CTNND2: variants seen among roughly 807,000 people sequenced by gnomAD.
CTNND2 encodes the protein catenin delta 2, also known as catenin delta-2.
A neutral mutation model predicts 144.4 loss-of-function variants in CTNND2; 22 were observed. The observed-to-expected ratio is 0.15, with a 90% CI of 0.11 to 0.22. The LOEUF (loss-of-function observed/expected upper bound fraction) is 0.22. Among genes scored for constraint, CTNND2 ranks in the 10% least tolerant of loss-of-function variants. The pLI is 1.00. For synonymous variants in CTNND2, 751 were observed against 695.6 expected, an observed-to-expected ratio of 1.08 and a Z score of -1.25; for missense variants, 1,353 against 1,618.8, an observed-to-expected ratio of 0.84 and a Z score of 2.82.
intron 2 of CTNND2, among the ~76,000 whole-genome samples, chr5:11,728,942 GA>G (rs929752419): frequency 6.6e-6 from 1 of 151,914 alleles, no homozygotes; most frequent in African/African-American, 2.4e-5. Flanking sequence ...TAGACTTGAG[GA>G]AAAAAATAAG....
Position 11,210,483 on chromosome 5 carries a change from T to G in CTNND2, c.1762-10822A>C, listed in dbSNP as rs145059160. Among the ~76,000 whole-genome samples, 27 of 152,376 alleles carry G rather than the reference T, an allele frequency of 1.8e-4. 1 individual carries two copies. In the East Asian group the frequency reaches 4.6e-3, roughly 26 times the overall value. On this transcript the variant is annotated intron_variant, in intron 10 of 21. Coordinates refer to ENST00000304623, the MANE Select transcript of CTNND2 (RefSeq NM_001332.4). ...AATACTCTTCAAATGCCGGTCTTAC[T>G]TTTTAAAAGAAATAGTCATCTCCCT... is the stretch of plus-strand genomic sequence containing the variant.
At chr5:11,394,055 C>T (rs1006149453) in intron 6 of CTNND2, among the ~76,000 whole-genome samples, 1 of 152,126 alleles carries the variant, frequency 6.6e-6, no homozygotes, top group African/African-American at 2.4e-5. Context: ...CATATAGCTT[C>T]CTTCCTCTTC....
chr5:11,108,416 C>G (rs1261449021), intron 14 of CTNND2, among the ~76,000 whole-genome samples: 1 of 152,164 alleles, frequency 6.6e-6, no homozygotes, highest in Non-Finnish European at 1.5e-5. Flanking sequence ...GGTGAATCTT[C>G]CAGTCATTTA....
chr5:11,859,553 TC>T (rs1795407799), intron 1 of CTNND2, among the ~76,000 whole-genome samples: 1 of 152,128 alleles, frequency 6.6e-6, no homozygotes, highest in Non-Finnish European at 1.5e-5. Context: ...TCAGTCATTT[TC>T]CTGCTGCCCA....
At chr5:11,460,806 C>A (rs1191591318) in intron 3 of CTNND2, among the ~76,000 whole-genome samples, 1 of 152,118 alleles carries the variant, frequency 6.6e-6, no homozygotes, top group Non-Finnish European at 1.5e-5. Context: ...AATCTCAGCA[C>A]TTTGGGAGGC....
At chr5:11,671,000 G>A (rs982401025) in intron 2 of CTNND2, among the ~76,000 whole-genome samples, 2 of 152,164 alleles carry the variant, frequency 1.3e-5, no homozygotes, top group African/African-American at 4.8e-5. Context: ...GCATTTGCTT[G>A]TCTGTAAAGG....
intron 11 of CTNND2, among the ~76,000 whole-genome samples, chr5:11,178,501 T>C (rs576713930): frequency 3.5e-4 from 53 of 152,266 alleles, no homozygotes; most frequent in Non-Finnish European, 5.7e-4. Context: ...ATGTAGGTGA[T>C]AGAGAGGCAG....
At chr5:11,113,724 A>C (rs1456152042) in intron 13 of CTNND2, among the ~76,000 whole-genome samples, 1 of 152,196 alleles carries the variant, frequency 6.6e-6, no homozygotes, top group Non-Finnish European at 1.5e-5. Flanking sequence ...GTATGGGTGA[A>C]AGGAGGACAG....
intron 1 of CTNND2, among the ~76,000 whole-genome samples, chr5:11,750,914 A>T (rs115359860): frequency 6.6e-6 from 1 of 151,864 alleles, no homozygotes; most frequent in Admixed American, 6.6e-5. Context: ...TACTCATACA[A>T]CATTGTGATA....
At chr5:11,005,994 T>C (rs1276312279) in intron 18 of CTNND2, among the ~76,000 whole-genome samples, 5 of 152,014 alleles carry the variant, frequency 3.3e-5, no homozygotes, top group Admixed American at 3.3e-4. Flanking sequence ...ATGGTAGTGG[T>C]TTGTGAAGGG....
intron 9 of CTNND2, among the ~76,000 whole-genome samples, chr5:11,328,710 C>T (rs1752784083): frequency 7.5e-6 from 1 of 133,126 alleles, no homozygotes; most frequent in Non-Finnish European, 1.7e-5. Context: ...CTCCCAACAG[C>T]CCCTCTTTGA....
At chr5:11,128,996 AATAT>A (rs1191552787) in intron 12 of CTNND2, among the ~76,000 whole-genome samples, 1 of 50,518 alleles carries the variant, frequency 2.0e-5, no homozygotes, top group Admixed American at 4.2e-4. Context: ...TATAATATAT[AATAT>A]ATAAATATAT....
At chr5:11,005,996 T>G (rs541682079) in intron 18 of CTNND2, among the ~76,000 whole-genome samples, 1 of 152,168 alleles carries the variant, frequency 6.6e-6, no homozygotes, top group South Asian at 2.1e-4. Flanking sequence ...GGTAGTGGTT[T>G]GTGAAGGGAT....
chr5:11,817,544 G>A (rs1793053895), intron 1 of CTNND2, among the ~76,000 whole-genome samples: 1 of 151,680 alleles, frequency 6.6e-6, no homozygotes, highest in South Asian at 2.1e-4. Flanking sequence ...CAGGCCAACG[G>A]GAGGGAAGGA....
intron 3 of CTNND2, among the ~76,000 whole-genome samples, chr5:11,501,209 T>C (rs112369786): frequency 1.3e-5 from 2 of 152,370 alleles, no homozygotes; most frequent in Admixed American, 6.5e-5. Flanking sequence ...GGCACAGTTG[T>C]TGTCCTCAAC....
chr5:11,659,061 G>T (rs1336516138), intron 2 of CTNND2, among the ~76,000 whole-genome samples: 1 of 152,000 alleles, frequency 6.6e-6, no homozygotes, highest in Admixed American at 6.6e-5. Flanking sequence ...TGCAAATGTG[G>T]TTCACCCTTT....
At chr5:11,055,252 C>T (rs1272494052) in intron 16 of CTNND2, among the ~76,000 whole-genome samples, 1 of 152,208 alleles carries the variant, frequency 6.6e-6, no homozygotes, top group Non-Finnish European at 1.5e-5. Flanking sequence ...ATAAAGGTTA[C>T]TTTAAACTTA....
intron 1 of CTNND2, among the ~76,000 whole-genome samples, chr5:11,819,414 G>A (rs533455918): frequency 6.6e-6 from 1 of 152,194 alleles, no homozygotes; most frequent in African/African-American, 2.4e-5. Context: ...CAGCCTGGGT[G>A]ACAGAGCAAG....
At chr5:10,994,811 C>G (rs1399305138) in intron 18 of CTNND2, among the ~76,000 whole-genome samples, 1 of 152,156 alleles carries the variant, frequency 6.6e-6, no homozygotes, top group South Asian at 2.1e-4. Flanking sequence ...TGGGAGGTCA[C>G]TCCCCTGGAC....
Sources: allele counts gnomAD v4.1 joint callset (sites outside exome capture counted in the v4.1 genomes callset), GRCh38; gene constraint gnomAD v4.1.1; transcripts MANE v1.5; gene names NCBI Gene and HGNC (gene_info 2026-07-23, HGNC 2026-07-21).